The following PTPRK variants were observed in gnomAD, a reference collection of about 807,000 sequenced individuals.
The protein encoded by PTPRK is receptor-type tyrosine-protein phosphatase kappa.
In PTPRK, 75 loss-of-function variants were observed where a neutral mutation model predicts 178.0. The observed-to-expected ratio is 0.42, with a 90% CI of 0.35 to 0.51. The LOEUF (loss-of-function observed/expected upper bound fraction) is 0.51. Among genes scored for constraint, PTPRK ranks in the 20% least tolerant of loss-of-function variants. The probability of loss-of-function intolerance (pLI) is 0.02; values close to 1 mark genes in which losing one functional copy is unlikely to be tolerated. For synonymous variants in PTPRK, 637 were observed against 620.6 expected (o/e 1.03, Z -0.39); for missense variants, 1,441 against 1,797.8 (o/e 0.80, Z 3.59).
intron 1 of PTPRK, among the ~76,000 whole-genome samples, chr6:128,424,104 G>C (rs566258118): frequency 6.6e-6 from 1 of 151,474 alleles, no homozygotes; most frequent in African/African-American, 2.4e-5. Context: ...ATGCTGGCAG[G>C]TGCCTGTAGT....
At chr6:128,148,630 T>C (rs988783075) in intron 7 of PTPRK, among the ~76,000 whole-genome samples, 3 of 152,152 alleles carry the variant, frequency 2.0e-5, no homozygotes, top group African/African-American at 7.2e-5. Flanking sequence ...TGATATTCCT[T>C]AACAGGTTAC....
At chr6:128,101,053 T>C (rs1788688241) in intron 7 of PTPRK, among the ~76,000 whole-genome samples, 1 of 152,026 alleles carries the variant, frequency 6.6e-6, no homozygotes, top group Admixed American at 6.6e-5. Flanking sequence ...TCCATAAATA[T>C]GTCCTGGTAG....
At chr6:128,088,624 A>G (rs1044002831) in intron 8 of PTPRK, among the ~76,000 whole-genome samples, 21 of 152,180 alleles carry the variant, frequency 1.4e-4, no homozygotes, top group African/African-American at 5.1e-4. Context: ...TATTGTTATT[A>G]GATTATCATT....
chr6:128,187,465 T>C (rs1017922228), intron 6 of PTPRK, among the ~76,000 whole-genome samples: 3 of 152,196 alleles, frequency 2.0e-5, no homozygotes, highest in Admixed American at 1.3e-4. Flanking sequence ...TATTCATTCG[T>C]GCACTAGGCA....
intron 7 of PTPRK, among the ~76,000 whole-genome samples, chr6:128,178,308 T>C (rs1801395348): frequency 6.6e-6 from 1 of 151,926 alleles, no homozygotes; most frequent in South Asian, 2.1e-4. Flanking sequence ...TTTTATCTTC[T>C]GCAGTCCTGC....
intron 17 of PTPRK, among the ~76,000 whole-genome samples, chr6:127,995,852 T>G (rs746536648): frequency 2.0e-5 from 3 of 152,108 alleles, no homozygotes; most frequent in Non-Finnish European, 2.9e-5. Context: ...CTAATTTTGC[T>G]TTTTAGTCAT....
chr6:128,172,861 C>A lies in PTPRK; in HGVS notation c.1162+11571G>T, dbSNP rs560502689. Among the ~76,000 whole-genome samples the A allele has an allele frequency of 4.0e-5, 6 of 151,840 alleles. No homozygotes were observed. The South Asian group carries it at 1.2e-3, about 31-fold the overall frequency. On this transcript the variant is annotated intron_variant, in intron 7 of 29. Transcript: ENST00000368226. ...TCACACACACGAACTATAGGTATAT[C>A]AATATATTCCAAAGAATGGGCACAC...
chr6:128,130,294 A>G (rs1296347593), intron 7 of PTPRK, among the ~76,000 whole-genome samples: 3 of 152,206 alleles, frequency 2.0e-5, no homozygotes, highest in South Asian at 2.1e-4. Context: ...TAGGCTCTCA[A>G]TAATAACTCT....
Position 128,194,211 on chromosome 6 carries a change from G to A in PTPRK, c.869-9486C>T, listed in dbSNP as rs1412039228. ...TGCCATTCTCCTGCCTCAGCCTCCCGAGTAGCTGGGATTACAGGTGCGTGC... is the reference window on the plus strand; with the variant it reads ...TGCCATTCTCCTGCCTCAGCCTCCCAAGTAGCTGGGATTACAGGTGCGTGC... On this transcript the variant is annotated intron_variant, in intron 6 of 29. Coordinates refer to ENST00000368226, the MANE Select transcript of PTPRK (RefSeq NM_002844.4). Among the ~76,000 whole-genome samples the A allele has an allele frequency of 2.0e-5, 3 of 151,258 alleles. 1 individual carries two copies. The South Asian group carries it at 6.3e-4, about 32-fold the overall frequency.
At chr6:128,146,438 G>A (rs1399099757) in intron 7 of PTPRK, among the ~76,000 whole-genome samples, 1 of 151,492 alleles carries the variant, frequency 6.6e-6, no homozygotes, top group Non-Finnish European at 1.5e-5. Context: ...GTGTGTGTGT[G>A]TGTGTGTGTG....
rs75684488 is a variant in PTPRK at position 128,266,418 on chromosome 6, C to T, written c.496-23816G>A. Among the ~76,000 whole-genome samples, 676 of 152,102 alleles carry T rather than the reference C, an allele frequency of 4.4e-3. 1 individual carries two copies. Among genetic ancestry groups the T allele is most frequent in the African/African-American group, 0.016 (652 of 41,514 alleles). ...GGGTTAATGAGGCTCAGTATACCAA[C>T]GTGGAAAAAGTCTGAAAAGCACTGG... On this transcript the variant is annotated intron_variant, in intron 3 of 29. Coordinates refer to ENST00000368226, the MANE Select transcript of PTPRK (RefSeq NM_002844.4).
chr6:128,135,476 T>C (rs1023079100), intron 7 of PTPRK, among the ~76,000 whole-genome samples: 1 of 152,178 alleles, frequency 6.6e-6, no homozygotes, highest in Non-Finnish European at 1.5e-5. Flanking sequence ...GAAATGTCTG[T>C]TCACTTTTGC....
At chr6:128,386,215 A>C (rs184183849) in intron 2 of PTPRK, among the ~76,000 whole-genome samples, 1 of 152,342 alleles carries the variant, frequency 6.6e-6, no homozygotes, top group African/African-American at 2.4e-5. Context: ...TAAATAACTA[A>C]GAATCGGCCT....
At chr6:128,390,012 C>G (rs1033988602) in intron 2 of PTPRK, among the ~76,000 whole-genome samples, 3 of 152,116 alleles carry the variant, frequency 2.0e-5, no homozygotes, top group Admixed American at 6.5e-5. Flanking sequence ...CCAACTCCCA[C>G]TGTTTTTAAT....
chr6:128,369,940 T>C (rs1193508905), intron 2 of PTPRK, among the ~76,000 whole-genome samples: 1 of 150,524 alleles, frequency 6.6e-6, no homozygotes, highest in Non-Finnish European at 1.5e-5. Flanking sequence ...TTTGAAACCA[T>C]TCAAAACTTG....
At chr6:128,462,631 T>C (rs1849213413) in intron 1 of PTPRK, among the ~76,000 whole-genome samples, 1 of 126,658 alleles carries the variant, frequency 7.9e-6, no homozygotes, top group African/African-American at 3.3e-5. Context: ...TATATTTTAT[T>C]TATTTATTTA....
intron 15 of PTPRK, chr6:128,000,288 G>T: frequency 7.7e-7 from 1 of 1,291,770 alleles, no homozygotes. Flanking sequence ...ATAGGATATA[G>T]CAAAAAATGA....
At chr6:128,365,806 C>G (rs190647499) in intron 2 of PTPRK, among the ~76,000 whole-genome samples, 2 of 152,188 alleles carry the variant, frequency 1.3e-5, no homozygotes, top group African/African-American at 4.8e-5. Flanking sequence ...CAAGGAAAAC[C>G]TGATAAGACT....
chr6:128,395,202 A>G (rs1486479700), intron 2 of PTPRK, among the ~76,000 whole-genome samples: 3 of 152,228 alleles, frequency 2.0e-5, no homozygotes, highest in African/African-American at 7.2e-5. Flanking sequence ...TATTATAAAA[A>G]GAGATGACTA....
Sources: gnomAD v4.1 joint callset for allele counts (sites outside exome capture counted in the v4.1 genomes callset) on GRCh38, gnomAD v4.1.1 for gene constraint, MANE v1.5 for transcripts, NCBI Gene and HGNC (gene_info 2026-07-23, HGNC 2026-07-21) for gene names.